The following SHTN1 variants were observed in gnomAD, a reference collection of about 807,000 sequenced individuals.
SHTN1 encodes the protein shootin 1, also known as shootin-1.
Under a neutral mutation model 83.1 loss-of-function variants are expected in SHTN1, and 42 were observed. That is an observed-to-expected ratio of 0.51 (90% CI 0.39 to 0.65). SHTN1 has a LOEUF of 0.65. Ranked by LOEUF, SHTN1 falls within the 30% of genes least tolerant of loss-of-function variation. The probability of loss-of-function intolerance (pLI) is 0.00; values close to 1 mark genes in which losing one functional copy is unlikely to be tolerated. For synonymous variants in SHTN1, 224 were observed against 247.7 expected, an observed-to-expected ratio of 0.90 and a Z score of 0.90; for missense variants, 622 against 737.8, an observed-to-expected ratio of 0.84 and a Z score of 1.82.
At chr10:116,901,680 C>T (rs1331888798) in intron 16 of SHTN1, 85 bp downstream of exon 16, 3 of 1,392,422 alleles carry the variant, frequency 2.2e-6, no homozygotes. Flanking sequence ...CAAAATCTCT[C>T]TAAAGGAAAC....
At chr10:116,997,919 T>C (rs1309565498) in intron 1 of SHTN1, among the ~76,000 whole-genome samples, 3 of 152,124 alleles carry the variant, frequency 2.0e-5, no homozygotes, top group Non-Finnish European at 2.9e-5. Flanking sequence ...GGTGAAACAC[T>C]GTCTCTACTA....
chr10:116,886,197 C>A lies in SHTN1; in HGVS notation c.*147G>T. ...AACAGCTTACTTATGTTTATAGTTG[C>A]TACTTACAAAAGTGACACCAGAAAA... is the stretch of plus-strand genomic sequence containing the variant. On this transcript the variant is annotated 3_prime_UTR_variant, in exon 17 of 17. Coordinates refer to ENST00000355371, the MANE Select transcript of SHTN1 (RefSeq NM_001127211.3). The A allele has an allele frequency of 8.9e-7, 1 of 1,123,964 alleles. No homozygotes were observed. Among genetic ancestry groups the A allele is most frequent in the Non-Finnish European group, 1.2e-6 (1 of 806,266 alleles). 69.6% of individuals were successfully genotyped at this position (1,123,964 alleles called of 1,614,324 possible).
chr10:117,098,439 A>G (rs971140614), intron 1 of SHTN1, among the ~76,000 whole-genome samples: 1 of 150,524 alleles, frequency 6.6e-6, no homozygotes, highest in Non-Finnish European at 1.5e-5. Flanking sequence ...ATTTGAAATG[A>G]GATAGCCTGT....
chr10:117,004,187 G>A (rs113525982), intron 1 of SHTN1, among the ~76,000 whole-genome samples: 60 of 152,148 alleles, frequency 3.9e-4, no homozygotes, highest in African/African-American at 1.4e-3. Context: ...GCACCCGGCT[G>A]GTTCCTCCCT....
intron 2 of SHTN1, among the ~76,000 whole-genome samples, 190 bp downstream of exon 2, chr10:116,979,066 G>C (rs1056941669): frequency 6.6e-6 from 1 of 152,188 alleles, no homozygotes; most frequent in Non-Finnish European, 1.5e-5. Flanking sequence ...TGGCATGCCT[G>C]CTATTCTTTA....
Position 116,979,290 on chromosome 10 carries a change from T to C in SHTN1, c.77A>G (p.Asp26Gly), listed in dbSNP as rs536588157. The C allele has an allele frequency of 1.2e-6, 2 of 1,613,860 alleles. No individual in the cohort carries two copies. Among genetic ancestry groups the C allele is most frequent in the South Asian group, 1.1e-5 (1 of 91,078 alleles). ...LKEQAIGEYE[D>G]LRAENQKTKE... ...TGTTTTCTGGTTCTCTGCTCTAAGG[T>C]CTTCATATTCGCCTATTGCTAAAAG... is the stretch of plus-strand genomic sequence containing the variant. The change falls in exon 2 of 17, where the codon GAC becomes GGC. Residue 26 changes from aspartate to glycine, a missense_variant. Asp to Gly is a moderately conservative substitution (Grantham distance 94). Transcript: ENST00000355371.
At chr10:117,011,680 T>C (rs1456634880) in intron 2 of SHTN1, among the ~76,000 whole-genome samples, 2 of 152,052 alleles carry the variant, frequency 1.3e-5, no homozygotes, top group South Asian at 2.1e-4. Flanking sequence ...CAATTAGAAT[T>C]TGACATTAAA....
intron 8 of SHTN1, among the ~76,000 whole-genome samples, chr10:116,943,921 CT>C (rs376993345): frequency 6.3e-4 from 96 of 152,264 alleles, no homozygotes; most frequent in African/African-American, 2.0e-3. Context: ...CCTCATCCCC[CT>C]GGATGAGCCC....
At chr10:117,101,589 T>C (rs977553796) in intron 1 of SHTN1, among the ~76,000 whole-genome samples, 1 of 152,170 alleles carries the variant, frequency 6.6e-6, no homozygotes, top group Non-Finnish European at 1.5e-5. Context: ...TCATCTTCTA[T>C]GGTCTCATGA....
chr10:117,049,649 G>A (rs973845287), intron 1 of SHTN1, among the ~76,000 whole-genome samples: 1 of 152,164 alleles, frequency 6.6e-6, no homozygotes, highest in African/African-American at 2.4e-5. Context: ...TGAACAGATA[G>A]TCTAGTACTA....
At chr10:116,989,975 A>G (rs1028389449) in intron 1 of SHTN1, among the ~76,000 whole-genome samples, 4 of 152,088 alleles carry the variant, frequency 2.6e-5, no homozygotes, top group Non-Finnish European at 5.9e-5. Context: ...TCGTTCTGGG[A>G]CTTGCAGACA....
chr10:117,019,163 AAC>A (rs1311848978), intron 2 of SHTN1, among the ~76,000 whole-genome samples: 2 of 152,216 alleles, frequency 1.3e-5, no homozygotes, highest in East Asian at 3.9e-4. Flanking sequence ...CATTTACATT[AAC>A]AGTTAAAAAA....
At chr10:117,005,264 G>C, upstream of SHTN1, 5 of 1,445,832 alleles carry the variant, frequency 3.5e-6, no homozygotes, top group Non-Finnish European at 4.5e-6. Flanking sequence ...CACCTACTCG[G>C]CGGCTGCGGC....
chr10:116,900,020 C>T (rs564683271), intron 16 of SHTN1, among the ~76,000 whole-genome samples: 5 of 152,278 alleles, frequency 3.3e-5, no homozygotes, highest in Admixed American at 3.3e-4. Context: ...TGAAGTGTGC[C>T]AGTCTGGGTA....
At chr10:117,123,319 G>A (rs151056115) in intron 1 of SHTN1, among the ~76,000 whole-genome samples, 10 of 152,160 alleles carry the variant, frequency 6.6e-5, no homozygotes, top group African/African-American at 2.2e-4. Flanking sequence ...TCATTTTCCC[G>A]TTCTCTACCT....
intron 2 of SHTN1, among the ~76,000 whole-genome samples, chr10:117,033,978 C>G (rs1852458074): frequency 6.6e-6 from 1 of 152,104 alleles, no homozygotes; most frequent in Admixed American, 6.5e-5. Context: ...ATTCAACATC[C>G]CTTCATGAGA....
At chr10:116,977,818 G>C (rs937687591) in intron 2 of SHTN1, among the ~76,000 whole-genome samples, 14 of 152,052 alleles carry the variant, frequency 9.2e-5, no homozygotes, top group South Asian at 2.1e-4. Context: ...GGGACTACAG[G>C]TGCATGCCAC....
At chr10:116,948,841 G>A in intron 7 of SHTN1, 75 bp downstream of exon 7, 1 of 1,008,166 alleles carries the variant, frequency 9.9e-7, no homozygotes, top group Non-Finnish European at 1.4e-6. Context: ...AGGCACAGGT[G>A]TAAAATGACA....
In SHTN1 at chr10:116,881,699, C is replaced by A; in HGVS notation, c.*4645G>T. ...GTACACACCCCAGGTTCCAGCCACA[C>A]CATCAGTATTAGTAGACCGGGAGGT... On this transcript the variant is annotated 3_prime_UTR_variant, in exon 17 of 17. Transcript: ENST00000355371. The A allele has an allele frequency of 6.9e-7, 1 of 1,456,776 alleles. No individual in the cohort carries two copies. The highest frequency in any genetic ancestry group is 2.7e-5 in the Admixed American group (1 of 36,498). The allele number at this position is 1,456,776 out of a possible 1,614,324, so 90.2% of individuals were successfully genotyped here. A position where few individuals can be genotyped will look rare whatever the true frequency, so the allele number is the denominator to read the frequency against.
Sources: allele counts gnomAD v4.1 joint callset (sites outside exome capture counted in the v4.1 genomes callset), GRCh38; gene constraint gnomAD v4.1.1; transcripts MANE v1.5; gene names NCBI Gene and HGNC (gene_info 2026-07-23, HGNC 2026-07-21).